Variants in SLC25A21 observed in about 807,000 individuals in gnomAD.
The protein encoded by SLC25A21 is mitochondrial 2-oxodicarboxylate carrier.
A neutral mutation model predicts 43.8 loss-of-function variants in SLC25A21; 47 were observed. That is an observed-to-expected ratio of 1.07 (90% CI 0.85 to 1.37). SLC25A21 has a LOEUF of 1.37. SLC25A21 is among the 40% of genes most tolerant of loss of function. SLC25A21 has a pLI of 0.00. For synonymous variants in SLC25A21, 131 were observed against 121.3 expected, an observed-to-expected ratio of 1.08 and a Z score of -0.52; for missense variants, 352 against 350.2, an observed-to-expected ratio of 1.00 and a Z score of -0.04.
At chr14:36,921,799 C>A (rs1241130923) in intron 1 of SLC25A21, among the ~76,000 whole-genome samples, 1 of 152,220 alleles carries the variant, frequency 6.6e-6, no homozygotes, top group Non-Finnish European at 1.5e-5. Flanking sequence ...ATATTTATGA[C>A]TTGTTCACCA....
intron 1 of SLC25A21, among the ~76,000 whole-genome samples, chr14:36,958,961 ACGAGCT>A (rs1452686287): frequency 6.6e-6 from 1 of 152,172 alleles, no homozygotes; most frequent in East Asian, 1.9e-4. Flanking sequence ...TATTGATCTC[ACGAGCT>A]CCTAGCCTTC....
rs532077608 is a variant in SLC25A21 at position 37,000,031 on chromosome 14, T to C, written c.71-125027A>G. 2.6e-5 allele frequency among the ~76,000 whole-genome samples: 4 copies of C among 152,246 alleles called. No individual in the cohort carries two copies. The South Asian group carries it at 6.2e-4, about 24-fold the overall frequency. On this transcript the variant is annotated intron_variant, in intron 1 of 9. Transcript: ENST00000331299. ...ATAAATGAATAAAAGAAAACTAACA[T>C]ATTAAAATCAGAATCTTTGATCTCT...
At chr14:37,161,542 CT>C (rs1256652328) in intron 1 of SLC25A21, among the ~76,000 whole-genome samples, 1 of 152,074 alleles carries the variant, frequency 6.6e-6, no homozygotes, top group African/African-American at 2.4e-5. Flanking sequence ...GTGAATGTGA[CT>C]TTATTTGGAA....
chr14:36,863,309 T>C (rs1890124555), intron 2 of SLC25A21, among the ~76,000 whole-genome samples: 1 of 152,050 alleles, frequency 6.6e-6, no homozygotes, highest in Admixed American at 6.6e-5. Context: ...CTTACCTTAT[T>C]AGCTAAGGGA....
intron 1 of SLC25A21, among the ~76,000 whole-genome samples, chr14:37,049,641 T>C (rs1961663161): frequency 6.6e-6 from 1 of 152,180 alleles, no homozygotes; most frequent in African/African-American, 2.4e-5. Flanking sequence ...TTCAGACTGA[T>C]GTTGTACAAT....
intron 1 of SLC25A21, among the ~76,000 whole-genome samples, chr14:36,915,236 T>C (rs1362716906): frequency 6.6e-6 from 1 of 152,142 alleles, no homozygotes; most frequent in Non-Finnish European, 1.5e-5. Flanking sequence ...CAGTATATCA[T>C]GGCACAGTTT....
chr14:36,995,822 C>G (rs1960359888), intron 1 of SLC25A21, among the ~76,000 whole-genome samples: 4 of 152,120 alleles, frequency 2.6e-5, no homozygotes, highest in Non-Finnish European at 5.9e-5. Context: ...AGTTTTGACA[C>G]CCGGGCAATC....
chr14:37,129,691 T>C (rs1376499477), intron 1 of SLC25A21, among the ~76,000 whole-genome samples: 2 of 149,960 alleles, frequency 1.3e-5, no homozygotes, highest in East Asian at 3.9e-4. Context: ...AAAAAAAAAG[T>C]CCACCCAGGA....
chr14:36,979,137 A>G (rs1229611946), intron 1 of SLC25A21, among the ~76,000 whole-genome samples: 1 of 152,150 alleles, frequency 6.6e-6, no homozygotes, highest in Non-Finnish European at 1.5e-5. Flanking sequence ...CAGGTTAGAC[A>G]GCATGATGCT....
chr14:36,880,862 T>G (rs1890698779), intron 1 of SLC25A21, among the ~76,000 whole-genome samples: 1 of 152,192 alleles, frequency 6.6e-6, no homozygotes, highest in Non-Finnish European at 1.5e-5. Flanking sequence ...TCTAATAGAC[T>G]GACAGATGAT....
chr14:37,147,598 AGAG>A (rs1963687009), intron 1 of SLC25A21, among the ~76,000 whole-genome samples: 2 of 151,436 alleles, frequency 1.3e-5, no homozygotes, highest in Non-Finnish European at 2.9e-5. Flanking sequence ...CCTAGGGCTT[AGAG>A]CTGCCATTAC....
intron 1 of SLC25A21, among the ~76,000 whole-genome samples, chr14:37,129,674 T>TAA (rs5807931): frequency 3.7e-5 from 5 of 136,510 alleles, no homozygotes; most frequent in Admixed American, 1.5e-4. Flanking sequence ...TAACAGTTAT[T>TAA]AAAAAAAAAA....
chr14:37,069,987 TC>T (rs2138823947), intron 1 of SLC25A21, among the ~76,000 whole-genome samples: 1 of 152,272 alleles, frequency 6.6e-6, no homozygotes, highest in African/African-American at 2.4e-5. Flanking sequence ...GATCAGATGT[TC>T]CTAGTGCACA....
At chr14:36,713,692 C>T (rs1029294612) in intron 6 of SLC25A21, among the ~76,000 whole-genome samples, 5 of 152,020 alleles carry the variant, frequency 3.3e-5, no homozygotes, top group Non-Finnish European at 2.9e-5. Context: ...TAGAATCTTC[C>T]GGAGGTCAGT....
At chr14:36,783,611 C>A (rs1050539569) in intron 3 of SLC25A21, among the ~76,000 whole-genome samples, 6 of 152,172 alleles carry the variant, frequency 3.9e-5, no homozygotes, top group African/African-American at 7.2e-5. Flanking sequence ...CATAGACCAA[C>A]AGGGTCTCTT....
chr14:37,059,109 TTG>T (rs1215746977), intron 1 of SLC25A21, among the ~76,000 whole-genome samples: 1 of 152,234 alleles, frequency 6.6e-6, no homozygotes, highest in Non-Finnish European at 1.5e-5. Flanking sequence ...GGATCACGTC[TTG>T]TTTATCTTTG....
chr14:36,905,135 C>T (rs1427312958), intron 1 of SLC25A21, among the ~76,000 whole-genome samples: 2 of 152,126 alleles, frequency 1.3e-5, no homozygotes, highest in Non-Finnish European at 2.9e-5. Context: ...TAACAATTAC[C>T]TTGACCTATG....
At chr14:36,705,283 G>C (rs1225660386) in intron 7 of SLC25A21, among the ~76,000 whole-genome samples, 1 of 151,798 alleles carries the variant, frequency 6.6e-6, no homozygotes, top group Non-Finnish European at 1.5e-5. Context: ...CCGACCTCGT[G>C]ATCCACCCGC....
At chr14:37,077,401 C>T (rs1349656160) in intron 1 of SLC25A21, among the ~76,000 whole-genome samples, 1 of 152,154 alleles carries the variant, frequency 6.6e-6, no homozygotes, top group Non-Finnish European at 1.5e-5. Flanking sequence ...ACTTTGCTTT[C>T]TCTTTGTCTA....
Sources: allele counts gnomAD v4.1 joint callset (sites outside exome capture counted in the v4.1 genomes callset), GRCh38; gene constraint gnomAD v4.1.1; transcripts MANE v1.5; gene names NCBI Gene and HGNC (gene_info 2026-07-23, HGNC 2026-07-21).